Variants in GGT5 observed in about 807,000 individuals in gnomAD.
GGT5 encodes the protein glutathione hydrolase 5 proenzyme.
Under a neutral mutation model 58.1 loss-of-function variants are expected in GGT5, and 50 were observed. The observed-to-expected ratio is 0.86, with a 90% CI of 0.69 to 1.09. GGT5 has a LOEUF of 1.09. Among genes scored for constraint, GGT5 ranks in the 50% least tolerant of loss-of-function variants. GGT5 has a pLI of 0.00. For synonymous variants in GGT5, 370 were observed against 346.1 expected (o/e 1.07, Z -0.77); for missense variants, 800 against 789.4 (o/e 1.01, Z -0.16).
intron 7 of GGT5, 98 bp from the exon 8 acceptor site, chr22:24,226,364 A>G: frequency 1.1e-6 from 1 of 951,172 alleles, no homozygotes. Flanking sequence ...GGCCACCTCC[A>G]GTCTGTCCTC....
chr22:24,225,112 G>A lies in GGT5; in HGVS notation c.1504-6C>T. The A allele has an allele frequency of 6.3e-7, 1 of 1,598,028 alleles. No homozygotes were observed. The highest frequency in any genetic ancestry group is 8.5e-7 in the Non-Finnish European group (1 of 1,170,966). ...CACAGCTTGCTCATGATGGCCTGGG[G>A]GAGAGATGAGGGTTTCAGGGAGAAA... On this transcript the variant is annotated splice_polypyrimidine_tract_variant and splice_region_variant and intron_variant, in intron 10 of 11. Coordinates refer to ENST00000327365, the MANE Select transcript of GGT5 (RefSeq NM_004121.5).
intron 1 of GGT5, chr22:24,244,309 A>C (rs1040359889): frequency 1.4e-5 from 7 of 494,612 alleles, no homozygotes; most frequent in East Asian, 6.6e-5. Context: ...ACACACACAC[A>C]CACACACCCA....
At position 24,244,783 on chromosome 22, in the gene GGT5, T is replaced by A. The variant is rs371764380; in HGVS notation, c.-58A>T. On this transcript the variant is annotated 5_prime_UTR_variant, in exon 1 of 12. Coordinates refer to ENST00000327365, the MANE Select transcript of GGT5 (RefSeq NM_004121.5). ...GTGGGCAGACGGAGGGACGGATGGG[T>A]GGGCAGATGAATGGACAAGAAGATG... 8 of 1,532,708 alleles carry A rather than the reference T, an allele frequency of 5.2e-6. No individual in the cohort carries two copies. Among genetic ancestry groups the A allele is most frequent in the Non-Finnish European group, 7.0e-6 (8 of 1,137,322 alleles). 94.9% of individuals were successfully genotyped at this position (1,532,708 alleles called of 1,614,324 possible).
chr22:24,220,752 C>A (rs754378587), intron 11 of GGT5: 1 of 448,426 alleles, frequency 2.2e-6, no homozygotes, highest in South Asian at 1.6e-5. Context: ...AAAAATTGGG[C>A]TGGGCGTGGT....
At chr22:24,238,776 T>TA (rs1184178101) in intron 1 of GGT5, among the ~76,000 whole-genome samples, 1 of 29,046 alleles carries the variant, frequency 3.4e-5, no homozygotes, top group African/African-American at 1.9e-4. Context: ...TATATATATA[T>TA]ATAATATATA....
Position 24,226,642 on chromosome 22 carries a change from G to T in GGT5, c.1027C>A (p.Pro343Thr), listed in dbSNP as rs745863314. 1.2e-6 allele frequency: 2 copies of T among 1,614,056 alleles called. No homozygotes were observed. The highest frequency in any genetic ancestry group is 1.1e-5 in the South Asian group (1 of 91,078). Reference protein sequence around the residue: ...RWRLGDPRSHPKLQNASRDLL... With the variant: ...RWRLGDPRSHTKLQNASRDLL... Reference sequence around the variant, plus strand: ...CTCAGCAACCTCACCTGGAGCTTCGGGTGGCTTCGAGGGTCCCCCAGCCTC... The same window carrying T: ...CTCAGCAACCTCACCTGGAGCTTCGTGTGGCTTCGAGGGTCCCCCAGCCTC... Residue 343 changes from proline to threonine, a missense_variant, in exon 7 of 12, where the codon CCG becomes ACG. Pro to Thr is a conservative substitution (Grantham distance 38). Coordinates refer to ENST00000327365, the MANE Select transcript of GGT5 (RefSeq NM_004121.5).
chr22:24,221,513 T>G (rs1233589147), intron 11 of GGT5, among the ~76,000 whole-genome samples: 2 of 152,192 alleles, frequency 1.3e-5, no homozygotes, highest in Non-Finnish European at 2.9e-5. Context: ...CAGGGGTTTT[T>G]TGTGTGTGTC....
chr22:24,225,757 G>T, intron 8 of GGT5, 105 bp from the exon 9 acceptor site: 1 of 732,212 alleles, frequency 1.4e-6, no homozygotes, highest in Non-Finnish European at 2.4e-6. Context: ...CAGCTGCCCC[G>T]AAGCATGCTG....
At chr22:24,223,600 G>A (rs928006097) in intron 11 of GGT5, among the ~76,000 whole-genome samples, 3 of 151,970 alleles carry the variant, frequency 2.0e-5, no homozygotes, top group African/African-American at 7.2e-5. Context: ...TAGTCTCAAG[G>A]TCTGAAAACT....
chr22:24,225,155 C>T (rs1337057483), intron 10 of GGT5, 49 bp from the exon 11 acceptor site: 2 of 1,575,366 alleles, frequency 1.3e-6, no homozygotes, highest in Middle Eastern at 1.7e-4. Flanking sequence ...CCCTGCTACC[C>T]TACATCAGCC....
intron 6 of GGT5, among the ~76,000 whole-genome samples, chr22:24,227,780 A>G (rs1207583251): frequency 3.3e-5 from 5 of 151,894 alleles, no homozygotes; most frequent in African/African-American, 1.2e-4. Context: ...ATAGAGCGGC[A>G]GCCAGCCACA....
chr22:24,224,304 G>A (rs2047684226), intron 11 of GGT5, among the ~76,000 whole-genome samples: 1 of 151,930 alleles, frequency 6.6e-6, no homozygotes, highest in Non-Finnish European at 1.5e-5. Context: ...GAGCTCAGGA[G>A]TTCAAGACCA....
chr22:24,226,202 C>T lies in GGT5; in HGVS notation c.1103G>A (p.Arg368Gln), dbSNP rs754711430. ...AQLIRQQIDG[R>Q]GDHQLSHYSL... ...GTAGTGGCTGAGCTGGTGGTCCCCCCGGCCATCGATCTGTTGGCGGATGAG... is the reference window on the plus strand; with the variant it reads ...GTAGTGGCTGAGCTGGTGGTCCCCCTGGCCATCGATCTGTTGGCGGATGAG... Residue 368 changes from arginine to glutamine, a missense_variant, in exon 8 of 12, where the codon CGG (arginine) becomes CAG (glutamine). Arg to Gln is a conservative substitution (Grantham distance 43, BLOSUM62 1). Coordinates refer to ENST00000327365, the MANE Select transcript of GGT5 (RefSeq NM_004121.5). 6.8e-6 allele frequency: 11 copies of T among 1,609,704 alleles called. No homozygotes were observed. Among genetic ancestry groups the T allele is most frequent in the South Asian group, 2.2e-5 (2 of 91,056 alleles).
chr22:24,228,590 A>G (rs2047846723), intron 6 of GGT5, among the ~76,000 whole-genome samples: 2 of 151,696 alleles, frequency 1.3e-5, no homozygotes, highest in South Asian at 4.2e-4. Flanking sequence ...AACTGGGACT[A>G]CAGGTGCCCG....
rs1302383500 is a variant in GGT5, at chr22:24,226,246, C to G, written c.1059G>C (p.Leu353=). Residue 353 remains leucine, a synonymous_variant, in exon 8 of 12, where the codon CTG becomes CTC. Coordinates refer to ENST00000327365, the MANE Select transcript of GGT5 (RefSeq NM_004121.5). ...PKLQNASRDL[L]GETLAQLIRQ... is the part of the protein sequence containing the mutation. ...GGATGAGCTGGGCCAGGGTCTCCCC[C>G]AGCAGGTCCCGGGAGGCATTCTGGG... is the stretch of plus-strand genomic sequence containing the variant. The G allele has an allele frequency of 2.5e-6, 4 of 1,604,088 alleles. No homozygotes were observed. The Admixed American group carries it at 5.0e-5, about 20-fold the overall frequency.
intron 1 of GGT5, among the ~76,000 whole-genome samples, chr22:24,238,248 G>T (rs1229845815): frequency 2.1e-5 from 3 of 142,448 alleles, no homozygotes; most frequent in Non-Finnish European, 4.6e-5. Context: ...AAAAAAAAAA[G>T]GCCAGGCGCG....
chr22:24,233,661 C>T (rs898801412), intron 2 of GGT5, 68 bp from the exon 3 acceptor site: 1 of 942,836 alleles, frequency 1.1e-6, no homozygotes, highest in Non-Finnish European at 1.6e-6. Context: ...CTCTAGGCCT[C>T]AGTTTCCATC....
chr22:24,232,151 A>T lies in GGT5; in HGVS notation c.654T>A (p.Pro218=). Residue 218 remains proline (P), a synonymous_variant, in exon 5 of 12, where the codon CCT becomes CCA. Coordinates refer to ENST00000327365, the MANE Select transcript of GGT5 (RefSeq NM_004121.5). ...PLRPQDPLPW[P]ALATTLETVA... ...CGGTCTCCAGGGTGGTGGCCAGTGC[A>T]GGCCATGGGAGTGGGTCCTGAGGCC... 6.3e-7 allele frequency: 1 copy of T among 1,577,856 alleles called. No individual in the cohort carries two copies. The highest frequency in any genetic ancestry group is 8.6e-7 in the Non-Finnish European group (1 of 1,158,002).
At chr22:24,222,363 A>G (rs5996675) in intron 11 of GGT5, among the ~76,000 whole-genome samples, 45,571 of 151,944 alleles carry the variant, frequency 0.3, 8,388 homozygotes, top group African/African-American at 0.53. Context: ...TGAGTTCCCC[A>G]TGCCTGACCT....
Sources: gnomAD v4.1 joint callset for allele counts (sites outside exome capture counted in the v4.1 genomes callset) on GRCh38, gnomAD v4.1.1 for gene constraint, MANE v1.5 for transcripts, NCBI Gene and HGNC (gene_info 2026-07-23, HGNC 2026-07-21) for gene names.